Variants in ITGAX observed in about 807,000 individuals in gnomAD.
ITGAX encodes the protein integrin alpha-X.
Under a neutral mutation model 140.2 loss-of-function variants are expected in ITGAX, and 99 were observed. The ratio of observed to expected loss-of-function variants is 0.71; its 90% CI spans 0.60 to 0.83. The LOEUF (loss-of-function observed/expected upper bound fraction) is 0.83. Among genes scored for constraint, ITGAX ranks in the 40% least tolerant of loss-of-function variants. ITGAX has a pLI of 0.00. For missense variants in ITGAX, 1,444 were observed against 1,482.0 expected (o/e 0.97, Z 0.42); for synonymous variants, 631 against 600.4 (o/e 1.05, Z -0.75).
rs934546560 is a variant in ITGAX at position 31,380,004 on chromosome 16, C to T, written c.2999C>T (p.Ser1000Leu). ...CAGAACCCATCCCTTCGGTGCTCCT[C>T]AGAGAAAATCGCACCCCCAGCATCT... ...HPQNPSLRCS[S>L]EKIAPPASDF... is the part of the protein sequence containing the mutation. The change falls in exon 26 of 30, where the codon TCA becomes TTA. Residue 1000 changes from serine to leucine, a missense_variant. Coordinates refer to ENST00000268296, the MANE Select transcript of ITGAX (RefSeq NM_000887.5). 1 of 1,614,064 alleles carries T rather than the reference C, an allele frequency of 6.2e-7. No individual in the cohort carries two copies. Among genetic ancestry groups the T allele is most frequent in the South Asian group, 1.1e-5 (1 of 91,082 alleles).
Position 31,377,262 on chromosome 16 carries a change from G to T in ITGAX, c.2786G>T (p.Ser929Ile). 1 of 1,611,432 alleles carries T rather than the reference G, an allele frequency of 6.2e-7. No homozygotes were observed. The highest frequency in any genetic ancestry group is 8.5e-7 in the Non-Finnish European group (1 of 1,179,050). The change falls in exon 23 of 30, where the codon AGC becomes ATC. Residue 929 changes from serine (S) to isoleucine (I), a missense_variant. By Grantham distance (142) the Ser-to-Ile change is moderately radical (BLOSUM62 -2). Transcript: ENST00000268296. ...AAGTATGCTGTCTACACTGTGGTTA[G>T]CAGGTCAGCAGGTACCCCACTGCAG... is the stretch of plus-strand genomic sequence containing the variant. ...PVKYAVYTVV[S>I]SHEQFTKYLN...
Position 31,359,984 on chromosome 16 carries a change from G to A in ITGAX, c.626G>A (p.Ser209Asn). 3.7e-6 allele frequency: 6 copies of A among 1,614,132 alleles called. No homozygotes were observed. Among genetic ancestry groups the A allele is most frequent in the Non-Finnish European group, 5.1e-6 (6 of 1,180,036 alleles). ...THFTFEEFRR[S>N]SNPLSLLASV... ...TTCACTTTCGAGGAATTCAGGCGCA[G>A]CTCAAACCCCCTCAGCCTGTTGGCT... is the stretch of plus-strand genomic sequence containing the variant. Residue 209 changes from serine (S) to asparagine (N), a missense_variant, in exon 7 of 30, where the codon AGC (serine) becomes AAC (asparagine). Physicochemically the swap from Ser to Asn is conservative, Grantham distance 46 (BLOSUM62 1). Transcript: ENST00000268296.
rs555746572 is a variant in ITGAX at position 31,372,414 on chromosome 16, C to A, written c.2197C>A (p.Arg733Ser). 3 of 1,609,110 alleles carry A rather than the reference C, an allele frequency of 1.9e-6. No homozygotes were observed. The highest frequency in any genetic ancestry group is 2.7e-5 in the African/African-American group (2 of 74,406). ...GGACTCTGTGACCCCCATTACCTTGCGTCTGAACTTCACGCTGGTGGGCAA... is the reference window on the plus strand; with the variant it reads ...GGACTCTGTGACCCCCATTACCTTGAGTCTGAACTTCACGCTGGTGGGCAA... ...VEDSVTPITL[R>S]LNFTLVGKPL... Residue 733 changes from arginine (R) to serine (S), a missense_variant, in exon 18 of 30, where the codon CGT becomes AGT. Transcript: ENST00000268296.
chr16:31,365,940 A>G (rs1353488335), intron 14 of ITGAX, among the ~76,000 whole-genome samples: 2 of 152,142 alleles, frequency 1.3e-5, no homozygotes, highest in Non-Finnish European at 2.9e-5. Flanking sequence ...ACAAACAAAC[A>G]AAAAACACAT....
rs1440575296 is a variant in ITGAX at position 31,382,435 on chromosome 16, A to C, written c.*528A>C. 2.6e-6 allele frequency: 4 copies of C among 1,535,190 alleles called. No individual in the cohort carries two copies. The highest frequency in any genetic ancestry group is 1.7e-6 in the Non-Finnish European group (2 of 1,146,310). Reference sequence around the variant, plus strand: ...CCGATCTTTCTAAAATACAGTTCTGAATATGCTGCTCATCCCCACCTGTCT... The same window carrying C: ...CCGATCTTTCTAAAATACAGTTCTGCATATGCTGCTCATCCCCACCTGTCT... On this transcript the variant is annotated 3_prime_UTR_variant, in exon 30 of 30. Coordinates refer to ENST00000268296, the MANE Select transcript of ITGAX (RefSeq NM_000887.5).
At chr16:31,356,047 C>A (rs750172588) in intron 2 of ITGAX, 49 bp downstream of exon 2, 16 of 1,352,252 alleles carry the variant, frequency 1.2e-5, no homozygotes, top group Non-Finnish European at 1.3e-5. Context: ...CCTCTCCCTG[C>A]TCAGGGCCCC....
chr16:31,372,241 G>A (rs545348596), intron 17 of ITGAX, 137 bp from the exon 18 acceptor site: 65 of 956,970 alleles, frequency 6.8e-5, no homozygotes, highest in Admixed American at 3.7e-4. Context: ...TCCTGAAGGC[G>A]GTGACGCTGA....
chr16:31,361,284 C>T (rs914334584), intron 9 of ITGAX, 71 bp downstream of exon 9: 1 of 1,488,016 alleles, frequency 6.7e-7, no homozygotes, highest in African/African-American at 1.4e-5. Context: ...GAACCCGAGG[C>T]TCCGTGAAAC....
chr16:31,369,472 AG>A (rs2080933383), intron 14 of ITGAX, among the ~76,000 whole-genome samples: 1 of 152,242 alleles, frequency 6.6e-6, no homozygotes, highest in South Asian at 2.1e-4. Flanking sequence ...ATTTCATGAA[AG>A]GAAGAGTCCA....
chr16:31,373,441 T>C, intron 20 of ITGAX, 51 bp downstream of exon 20: 2 of 1,558,914 alleles, frequency 1.3e-6, no homozygotes, highest in Non-Finnish European at 1.7e-6. Context: ...TTAGCGTAGA[T>C]TCCCGTGCGG....
At chr16:31,378,748 G>C (rs548787981) in intron 23 of ITGAX, among the ~76,000 whole-genome samples, 1 of 151,920 alleles carries the variant, frequency 6.6e-6, no homozygotes, top group African/African-American at 2.4e-5. Context: ...TGGGATTGCA[G>C]GTGTGAGCCA....
chr16:31,368,436 T>G (rs1234686431), intron 14 of ITGAX, among the ~76,000 whole-genome samples: 3 of 140,220 alleles, frequency 2.1e-5, no homozygotes, highest in South Asian at 4.5e-4. Flanking sequence ...AGGCAAAGGT[T>G]GCAGTGAGCC....
At chr16:31,361,701 C>T (rs1180161859) in intron 9 of ITGAX, 135 bp from the exon 10 acceptor site, 8 of 990,928 alleles carry the variant, frequency 8.1e-6, no homozygotes, top group Non-Finnish European at 1.3e-5. Context: ...ATCTGGAGGG[C>T]AGAGCCTGGT....
At chr16:31,356,792 G>T in intron 3 of ITGAX, 64 bp downstream of exon 3, 2 of 1,210,888 alleles carry the variant, frequency 1.7e-6, no homozygotes, top group South Asian at 1.3e-5. Flanking sequence ...CCAGGGGCCC[G>T]TGGACTCACC....
At chr16:31,357,762 A>G (rs2080779369) in intron 5 of ITGAX, 1 of 417,498 alleles carries the variant, frequency 2.4e-6, no homozygotes, top group Non-Finnish European at 4.2e-6. Context: ...GATATGACCA[A>G]TTGGTTTGTG....
Position 31,373,259 on chromosome 16 carries a change from C to T in ITGAX, c.2377C>T (p.Leu793=). The T allele has an allele frequency of 1.2e-6, 2 of 1,612,126 alleles. No individual in the cohort carries two copies. The highest frequency in any genetic ancestry group is 1.7e-6 in the Non-Finnish European group (2 of 1,178,948). Residue 793 remains leucine, a synonymous_variant, in exon 20 of 30, where the codon CTG becomes TTG. Coordinates refer to ENST00000268296, the MANE Select transcript of ITGAX (RefSeq NM_000887.5). ...ISFSFPGLKS[L]LVGSNLELNA... ...TCACCTGATACCCAGCTTGAAGTCC[C>T]TGCTGGTGGGGAGTAACCTGGAGCT...
At chr16:31,379,038 A>G (rs1269549398) in intron 23 of ITGAX, among the ~76,000 whole-genome samples, 1 of 150,456 alleles carries the variant, frequency 6.6e-6, no homozygotes, top group Non-Finnish European at 1.5e-5. Flanking sequence ...CTGGTCTTGA[A>G]CTCCCGACCT....
Position 31,379,590 on chromosome 16 carries a change from C to G in ITGAX, c.2812C>G (p.Leu938Val), listed in dbSNP as rs1436459668. The G allele has an allele frequency of 6.4e-7, 1 of 1,562,544 alleles. No individual in the cohort carries two copies. The change falls in exon 24 of 30, where the codon CTC (leucine) becomes GTC (valine). Residue 938 changes from leucine (L) to valine (V), a missense_variant. Physicochemically the swap from Leu to Val is conservative, Grantham distance 32. Transcript: ENST00000268296. The stretch of plus-strand genomic sequence containing the variant: ...CAGCCACGAACAATTCACCAAATAC[C>G]TCAACTTCTCAGAGTCTGAGGAGAA... Reference protein sequence around the residue: ...VSSHEQFTKYLNFSESEEKES... With the variant: ...VSSHEQFTKYVNFSESEEKES...
At chr16:31,361,320 G>T in intron 9 of ITGAX, 107 bp downstream of exon 9, 1 of 1,242,598 alleles carries the variant, frequency 8.0e-7, no homozygotes. Flanking sequence ...CGGTTCTCCT[G>T]CTTTCCCGGG....
Sources: gnomAD v4.1 joint callset for allele counts (sites outside exome capture counted in the v4.1 genomes callset) on GRCh38, gnomAD v4.1.1 for gene constraint, MANE v1.5 for transcripts, NCBI Gene and HGNC (gene_info 2026-07-23, HGNC 2026-07-21) for gene names.